RNLS: variants seen among roughly 807,000 people sequenced by gnomAD.
RNLS encodes renalase.
In RNLS, 39 loss-of-function variants were observed where a neutral mutation model predicts 39.8. The observed-to-expected ratio is 0.98, with a 90% CI of 0.76 to 1.28. RNLS has a LOEUF of 1.28. Ranked by LOEUF, RNLS falls within the 50% of genes most tolerant of loss-of-function variation. RNLS has a pLI of 0.00. For synonymous variants in RNLS, 147 were observed against 150.7 expected (o/e 0.98, Z 0.18); for missense variants, 410 against 413.3 (o/e 0.99, Z 0.07).
At chr10:88,274,807 G>T (rs552890634) in exon 7 of RNLS, 62 of 507,318 alleles carry the variant, frequency 1.2e-4, no homozygotes, top group African/African-American at 1.0e-3. Flanking sequence ...CATTCCCACC[G>T]GCACTGCACA....
At chr10:88,559,942 T>C (rs892027568) in intron 4 of RNLS, among the ~76,000 whole-genome samples, 1 of 152,120 alleles carries the variant, frequency 6.6e-6, no homozygotes, top group African/African-American at 2.4e-5. Context: ...TTTTTTCTTG[T>C]ATTTTTTATT....
intron 4 of RNLS, among the ~76,000 whole-genome samples, chr10:88,431,978 A>G (rs182786929): frequency 7.0e-4 from 106 of 151,876 alleles, no homozygotes; most frequent in Non-Finnish European, 1.1e-3. Flanking sequence ...AATTGGGTCA[A>G]GTTGATTGAT....
chr10:88,235,357 A>G, the RNLS span, among the ~76,000 whole-genome samples: 7 of 151,842 alleles, frequency 4.6e-5, no homozygotes, highest in Admixed American at 2.0e-4. Context: ...ATATGCTAGT[A>G]TCCAAAGCAA....
chr10:88,501,384 C>T (rs1249600953), intron 4 of RNLS, among the ~76,000 whole-genome samples: 1 of 152,110 alleles, frequency 6.6e-6, no homozygotes, highest in East Asian at 1.9e-4. Context: ...TGTTAGTTCT[C>T]TCCCCAAACA....
At chr10:88,361,648 T>C (rs960867648) in intron 5 of RNLS, among the ~76,000 whole-genome samples, 5 of 152,204 alleles carry the variant, frequency 3.3e-5, no homozygotes, top group Non-Finnish European at 5.9e-5. Context: ...TGAGCTCTGA[T>C]ATAAAAACCA....
chr10:88,444,422 C>G (rs1450999763), intron 4 of RNLS, among the ~76,000 whole-genome samples: 1 of 152,224 alleles, frequency 6.6e-6, no homozygotes, highest in African/African-American at 2.4e-5. Flanking sequence ...ACCTCTCCCC[C>G]TCCAAAGGAA....
the RNLS span, among the ~76,000 whole-genome samples, chr10:88,235,421 T>C: frequency 1.3e-5 from 2 of 152,166 alleles, no homozygotes; most frequent in Non-Finnish European, 2.9e-5. Flanking sequence ...ATCTAGGTGA[T>C]ATCAACGACT....
At chr10:88,253,447 AC>A in the RNLS span, among the ~76,000 whole-genome samples, 1 of 152,182 alleles carries the variant, frequency 6.6e-6, no homozygotes, top group African/African-American at 2.4e-5. Context: ...GCAACTGGGG[AC>A]AGGGGTGCCA....
chr10:88,504,844 A>AGAGTGTGTGTGT (rs1554911577), intron 4 of RNLS, among the ~76,000 whole-genome samples: 1 of 136,166 alleles, frequency 7.3e-6, no homozygotes, highest in African/African-American at 2.7e-5. Context: ...AGAGAGACAG[A>AGAGTGTGTGTGT]GTGTGTGTGT....
rs570751359 is a variant in RNLS at position 88,297,533 on chromosome 10, G to A, written c.877-12027C>T. Among the ~76,000 whole-genome samples, 11 of 152,220 alleles carry A rather than the reference G, an allele frequency of 7.2e-5. No individual in the cohort carries two copies. The South Asian group carries it at 2.3e-3, about 32-fold the overall frequency. ...ATTAGTGACCGGTAAACACTAATCT[G>A]CTTTCTGTCTCTATGGATTTGCCTA... On this transcript the variant is annotated intron_variant, in intron 6 of 6. Coordinates refer to ENST00000331772, the MANE Select transcript of RNLS (RefSeq NM_001031709.3).
chr10:88,231,171 CTG>C, the RNLS span, among the ~76,000 whole-genome samples: 1 of 152,164 alleles, frequency 6.6e-6, no homozygotes, highest in Admixed American at 6.5e-5. Flanking sequence ...CAGAATGTGA[CTG>C]TATTTGGAGA....
intron 4 of RNLS, among the ~76,000 whole-genome samples, chr10:88,379,560 G>C (rs2133496802): frequency 6.6e-6 from 1 of 152,204 alleles, no homozygotes; most frequent in Non-Finnish European, 1.5e-5. Context: ...GCCTTTTCCT[G>C]ATAACTAATT....
At chr10:88,530,538 T>C (rs941095236) in intron 4 of RNLS, among the ~76,000 whole-genome samples, 1 of 152,214 alleles carries the variant, frequency 6.6e-6, no homozygotes, top group Admixed American at 6.6e-5. Flanking sequence ...AACATATGTA[T>C]ATGCACCTCT....
intron 4 of RNLS, among the ~76,000 whole-genome samples, chr10:88,524,983 A>AT (rs1386942267): frequency 3.7e-5 from 5 of 134,226 alleles, no homozygotes; most frequent in African/African-American, 1.3e-4. Flanking sequence ...ATATATATAT[A>AT]TATATATATA....
chr10:88,462,318 G>A (rs1589834624), intron 4 of RNLS, among the ~76,000 whole-genome samples: 1 of 152,042 alleles, frequency 6.6e-6, no homozygotes, highest in South Asian at 2.1e-4. Context: ...GGTAAATAGG[G>A]TATCCATCAC....
chr10:88,341,736 A>C (rs899434673), intron 5 of RNLS, among the ~76,000 whole-genome samples: 3 of 152,170 alleles, frequency 2.0e-5, no homozygotes, highest in Admixed American at 2.0e-4. Flanking sequence ...GAAGACACCC[A>C]GGTTTACTAC....
Position 88,532,695 on chromosome 10 carries a change from A to G in RNLS, c.526+40208T>C, listed in dbSNP as rs12360297. ...AAATCCTAAGGATAAAGTGTTAGAT[A>G]ATCACAGAGAGTTCTGCAGATTGTC... On this transcript the variant is annotated intron_variant, in intron 4 of 6. Coordinates refer to ENST00000331772, the MANE Select transcript of RNLS (RefSeq NM_001031709.3). 1.4e-3 allele frequency among the ~76,000 whole-genome samples: 207 copies of G among 152,206 alleles called. 3 individuals carry two copies. The highest frequency in any genetic ancestry group is 0.01 in the Middle Eastern group (3 of 294).
At chr10:88,379,249 T>TCTTTG (rs1358981248) in intron 4 of RNLS, among the ~76,000 whole-genome samples, 1 of 152,234 alleles carries the variant, frequency 6.6e-6, no homozygotes, top group Admixed American at 6.5e-5. Context: ...ACAGGGAATT[T>TCTTTG]CTTTGCTTTG....
the RNLS span, among the ~76,000 whole-genome samples, chr10:88,181,163 T>C: frequency 1.3e-5 from 2 of 152,178 alleles, no homozygotes; most frequent in South Asian, 2.1e-4. Context: ...TAATGAAAGA[T>C]GGAGGCAGAA....
Sources: allele counts gnomAD v4.1 joint callset (sites outside exome capture counted in the v4.1 genomes callset), GRCh38; gene constraint gnomAD v4.1.1; transcripts MANE v1.5; gene names NCBI Gene and HGNC (gene_info 2026-07-23, HGNC 2026-07-21).